SGCG: variants seen among roughly 807,000 people sequenced by gnomAD.
SGCG encodes sarcoglycan gamma, also known as gamma-sarcoglycan.
In SGCG, 26 loss-of-function variants were observed where a neutral mutation model predicts 29.3. The ratio of observed to expected loss-of-function variants is 0.89; its 90% confidence interval spans 0.65 to 1.23. SGCG has a LOEUF of 1.23. SGCG is among the 50% of genes most tolerant of loss of function. SGCG has a pLI of 0.00. For missense variants in SGCG, 353 were observed against 356.0 expected (o/e 0.99, Z 0.07); for synonymous variants, 145 against 129.7 (o/e 1.12, Z -0.80).
rs1035192204 is a variant in SGCG at position 23,254,033 on chromosome 13, A to G, written c.385+3316A>G. 2.0e-5 allele frequency among the ~76,000 whole-genome samples: 3 copies of G among 152,312 alleles called. No individual in the cohort carries two copies. The East Asian group carries it at 5.8e-4, about 29-fold the overall frequency. ...TTTTCTTTATAAATTACCCATCCTC[A>G]GTTATTTCTTTATAGCAGTGTAAGA... On this transcript the variant is annotated intron_variant, in intron 4 of 7. Transcript: ENST00000218867.
At chr13:23,269,563 CAT>C (rs1555242057) in intron 4 of SGCG, among the ~76,000 whole-genome samples, 2 of 152,192 alleles carry the variant, frequency 1.3e-5, no homozygotes, top group Admixed American at 6.5e-5. Flanking sequence ...AAAATGACCA[CAT>C]ATATGTTTTC....
At chr13:23,179,816 C>G (rs913936044), upstream of SGCG, among the ~76,000 whole-genome samples, 1 of 152,096 alleles carries the variant, frequency 6.6e-6, no homozygotes, top group Non-Finnish European at 1.5e-5. Context: ...GAAAAGTCTC[C>G]TGAGAAGAAA....
chr13:23,289,005 A>G (rs1881601748), intron 5 of SGCG, among the ~76,000 whole-genome samples: 1 of 152,218 alleles, frequency 6.6e-6, no homozygotes, highest in Non-Finnish European at 1.5e-5. Context: ...ATAGTGTAGA[A>G]ATGCCAGAGT....
chr13:23,226,010 T>C (rs1328698580), intron 2 of SGCG, among the ~76,000 whole-genome samples: 1 of 152,136 alleles, frequency 6.6e-6, no homozygotes, highest in East Asian at 1.9e-4. Flanking sequence ...ATCCCATTCA[T>C]GTTTCCATTC....
chr13:23,274,842 T>A (rs1881009149), intron 4 of SGCG, among the ~76,000 whole-genome samples: 1 of 152,092 alleles, frequency 6.6e-6, no homozygotes, highest in African/African-American at 2.4e-5. Context: ...CTTTTCCAAT[T>A]TAATAATGCT....
At chr13:23,167,370 G>T in the SGCG span, among the ~76,000 whole-genome samples, 1 of 152,156 alleles carries the variant, frequency 6.6e-6, no homozygotes, top group Non-Finnish European at 1.5e-5. Flanking sequence ...ACAAACATGG[G>T]AGTGCAGATA....
chr13:23,194,489 C>T (rs749897470), intron 1 of SGCG, among the ~76,000 whole-genome samples: 23 of 152,206 alleles, frequency 1.5e-4, no homozygotes, highest in Non-Finnish European at 2.8e-4. Context: ...CTCACACTCT[C>T]TCCCTCTTCT....
chr13:23,256,857 G>A (rs4770420), intron 4 of SGCG, among the ~76,000 whole-genome samples: 56,648 of 152,038 alleles, frequency 0.37, 11,029 homozygotes, highest in South Asian at 0.5. Flanking sequence ...ATGTGTCTTT[G>A]TAGTAGCATG....
intron 6 of SGCG, among the ~76,000 whole-genome samples, chr13:23,318,469 ATATATT>A (rs1882914909): frequency 6.7e-6 from 1 of 150,238 alleles, no homozygotes. Flanking sequence ...TATATATAAT[ATATATT>A]TAATATTACA....
intron 4 of SGCG, among the ~76,000 whole-genome samples, chr13:23,256,507 C>T (rs903072477): frequency 7.9e-5 from 12 of 152,016 alleles, no homozygotes; most frequent in African/African-American, 2.9e-4. Flanking sequence ...TAGGTATCTC[C>T]CCTAATGCTG....
At chr13:23,254,688 G>T (rs796613338) in intron 4 of SGCG, among the ~76,000 whole-genome samples, 7 of 152,236 alleles carry the variant, frequency 4.6e-5, no homozygotes, top group African/African-American at 1.7e-4. Flanking sequence ...ATGGGGGAAA[G>T]GCCCTGAAGA....
chr13:23,247,853 A>C (rs1879774838), intron 3 of SGCG, among the ~76,000 whole-genome samples: 1 of 147,892 alleles, frequency 6.8e-6, no homozygotes, highest in Non-Finnish European at 1.5e-5. Flanking sequence ...TGGGAGGCTG[A>C]GGTGGGAGGA....
At chr13:23,304,406 C>T (rs1212269679) in intron 6 of SGCG, among the ~76,000 whole-genome samples, 1 of 151,686 alleles carries the variant, frequency 6.6e-6, no homozygotes, top group Admixed American at 6.6e-5. Flanking sequence ...TTATCTTTTC[C>T]AGTTGGCCAA....
intron 2 of SGCG, among the ~76,000 whole-genome samples, chr13:23,204,755 G>A (rs1877921382): frequency 1.4e-5 from 2 of 141,878 alleles, no homozygotes; most frequent in Admixed American, 1.4e-4. Context: ...GCCCAGGCTG[G>A]AGTGCAGTGG....
intron 2 of SGCG, among the ~76,000 whole-genome samples, chr13:23,209,139 C>G (rs750452667): frequency 2.0e-5 from 3 of 152,050 alleles, no homozygotes; most frequent in Non-Finnish European, 4.4e-5. Flanking sequence ...AAGGAAGAAT[C>G]ATAATACTAA....
chr13:23,287,942 A>T (rs1219455020), intron 5 of SGCG, among the ~76,000 whole-genome samples: 1 of 152,112 alleles, frequency 6.6e-6, no homozygotes, highest in Admixed American at 6.5e-5. Context: ...TTCAGAAGAG[A>T]TGGGGTTTCA....
intron 6 of SGCG, among the ~76,000 whole-genome samples, chr13:23,316,319 C>T (rs1158784294): frequency 6.6e-6 from 1 of 152,202 alleles, no homozygotes; most frequent in African/African-American, 2.4e-5. Flanking sequence ...TATCTGTAGA[C>T]TCATGGAATG....
intron 5 of SGCG, among the ~76,000 whole-genome samples, chr13:23,284,403 T>C (rs1394229737): frequency 1.3e-5 from 2 of 152,202 alleles, no homozygotes; most frequent in African/African-American, 4.8e-5. Context: ...AATTCGGCTA[T>C]TGATACTTGT....
At chr13:23,295,372 T>A (rs1479867814) in intron 5 of SGCG, 43 bp from the exon 6 acceptor site, 1 of 1,391,452 alleles carries the variant, frequency 7.2e-7, no homozygotes, top group South Asian at 1.2e-5. Flanking sequence ...TTGGTGTCAC[T>A]TATTTTACTT....
Sources: allele counts gnomAD v4.1 joint callset (sites outside exome capture counted in the v4.1 genomes callset), GRCh38; gene constraint gnomAD v4.1.1; transcripts MANE v1.5; gene names NCBI Gene and HGNC (gene_info 2026-07-23, HGNC 2026-07-21).